The following CAMTA1 variants were observed in gnomAD, a reference collection of about 807,000 sequenced individuals.
CAMTA1 encodes the protein calmodulin-binding transcription activator 1.
A neutral mutation model predicts 170.9 loss-of-function variants in CAMTA1; 27 were observed. The ratio of observed to expected loss-of-function variants is 0.16; its 90% CI spans 0.12 to 0.22. The LOEUF (loss-of-function observed/expected upper bound fraction) is 0.22, where lower values mean the gene tolerates loss of function less well. Among genes scored for constraint, CAMTA1 ranks in the 10% least tolerant of loss-of-function variants. The probability of loss-of-function intolerance (pLI) is 1.00; values close to 1 mark genes in which losing one functional copy is unlikely to be tolerated. For synonymous variants in CAMTA1, 833 were observed against 891.5 expected, an observed-to-expected ratio of 0.93 and a Z score of 1.17; for missense variants, 1,619 against 2,217.2, an observed-to-expected ratio of 0.73 and a Z score of 5.42.
intron 6 of CAMTA1, among the ~76,000 whole-genome samples, chr1:7,492,636 A>AAC (rs531879122): frequency 7.7e-6 from 1 of 130,644 alleles, no homozygotes; most frequent in Non-Finnish European, 1.6e-5. Flanking sequence ...CGCGCACACA[A>AAC]ACACATACAA....
Position 7,270,287 on chromosome 1 carries a change from A to ATTTTTTT in CAMTA1, c.438+20662_438+20663insTTTTTTT, listed in dbSNP as rs1249476043. On this transcript the variant is annotated intron_variant, in intron 5 of 22. Transcript: ENST00000303635. ...CACACACACACACATATATATATATATATATTTTTTTTTTTTTTTCTTGTG... is the reference window on the plus strand; with the variant it reads ...CACACACACACACATATATATATATATTTTTTTTATATTTTTTTTTTTTTTTCTTGTG... Among the ~76,000 whole-genome samples, 3 of 111,552 alleles carry ATTTTTTT rather than the reference A, an allele frequency of 2.7e-5. 1 individual carries two copies. Among genetic ancestry groups the ATTTTTTT allele is most frequent in the African/African-American group, 1.2e-4 (3 of 24,682 alleles). The allele number at this position is 111,552 out of a possible 152,430, so 73.2% of individuals were successfully genotyped here. A position where few individuals can be genotyped will look rare whatever the true frequency, so the allele number is the denominator to read the frequency against.
At chr1:7,169,951 A>G (rs1330163441) in intron 4 of CAMTA1, among the ~76,000 whole-genome samples, 3 of 152,056 alleles carry the variant, frequency 2.0e-5, no homozygotes, top group Non-Finnish European at 4.4e-5. Flanking sequence ...AATTTTGTCA[A>G]CTGTATTGTT....
At chr1:7,574,638 C>T (rs1359758259) in intron 6 of CAMTA1, among the ~76,000 whole-genome samples, 2 of 152,164 alleles carry the variant, frequency 1.3e-5, no homozygotes, top group African/African-American at 2.4e-5. Flanking sequence ...AGCTTCCTCT[C>T]GACGCGATGC....
chr1:6,937,206 T>C (rs1685476538), intron 3 of CAMTA1, among the ~76,000 whole-genome samples: 1 of 148,550 alleles, frequency 6.7e-6, no homozygotes, highest in Admixed American at 6.7e-5. Flanking sequence ...TCATCACTTA[T>C]CACCATCATC....
intron 3 of CAMTA1, among the ~76,000 whole-genome samples, chr1:6,838,521 CTG>C (rs1307416539): frequency 6.6e-6 from 1 of 152,202 alleles, no homozygotes; most frequent in Non-Finnish European, 1.5e-5. Context: ...CCAAACCACT[CTG>C]AACTCTACCA....
chr1:7,230,843 G>A (rs1662661023), intron 4 of CAMTA1, among the ~76,000 whole-genome samples: 3 of 152,172 alleles, frequency 2.0e-5, no homozygotes, highest in South Asian at 4.1e-4. Flanking sequence ...TCTAGGAGCT[G>A]TTGGCTGAGG....
At chr1:7,081,713 G>C (rs1251245728) in intron 3 of CAMTA1, among the ~76,000 whole-genome samples, 2 of 152,220 alleles carry the variant, frequency 1.3e-5, no homozygotes, top group African/African-American at 4.8e-5. Flanking sequence ...GGAGCTCTCA[G>C]GCCCATCCAA....
At chr1:7,402,840 C>G (rs1045210653) in intron 5 of CAMTA1, among the ~76,000 whole-genome samples, 1 of 152,212 alleles carries the variant, frequency 6.6e-6, no homozygotes, top group African/African-American at 2.4e-5. Context: ...GTCTGTCTGT[C>G]TCTTTCTCAG....
chr1:7,081,902 G>A (rs1441020037), intron 3 of CAMTA1, among the ~76,000 whole-genome samples: 2 of 152,374 alleles, frequency 1.3e-5, no homozygotes, highest in East Asian at 3.9e-4. Flanking sequence ...TCTGGGTGGA[G>A]TCAGTCCTTG....
rs1366808145 is a variant in CAMTA1, at chr1:7,766,791, G to A, written c.*300G>A. The A allele has an allele frequency of 1.0e-4, 42 of 400,524 alleles. No individual in the cohort carries two copies. Among genetic ancestry groups the A allele is most frequent in the Non-Finnish European group, 1.4e-5 (3 of 220,078 alleles). 24.8% of individuals were successfully genotyped at this position (400,524 alleles called of 1,614,324 possible). On this transcript the variant is annotated 3_prime_UTR_variant, in exon 23 of 23. Transcript: ENST00000303635. ...AAGACACCCAGGAGGAATTGAAAGAGGCTTCCTCTTCTCAGGAAGAAGCCA... is the reference window on the plus strand; with the variant it reads ...AAGACACCCAGGAGGAATTGAAAGAAGCTTCCTCTTCTCAGGAAGAAGCCA...
chr1:7,292,172 A>C (rs1409971509), intron 5 of CAMTA1, among the ~76,000 whole-genome samples: 1 of 152,160 alleles, frequency 6.6e-6, no homozygotes, highest in Non-Finnish European at 1.5e-5. Context: ...AAATATATGG[A>C]GATTGAATTG....
At chr1:7,663,241 C>T (rs2095976420) in intron 8 of CAMTA1, 112 bp from the exon 9 acceptor site, 3 of 1,405,424 alleles carry the variant, frequency 2.1e-6, no homozygotes. Flanking sequence ...ACCCCAGCCG[C>T]TGTGGGGCAG....
intron 12 of CAMTA1, among the ~76,000 whole-genome samples, chr1:7,734,083 G>A (rs555562684): frequency 6.6e-6 from 1 of 152,164 alleles, no homozygotes; most frequent in Non-Finnish European, 1.5e-5. Context: ...AAGTAGCTGG[G>A]ATTACAGGCA....
chr1:7,306,980 T>C (rs1675692874), intron 5 of CAMTA1, among the ~76,000 whole-genome samples: 4 of 151,990 alleles, frequency 2.6e-5, no homozygotes, highest in African/African-American at 7.2e-5. Flanking sequence ...GCATAGGTTA[T>C]ATGCAAATAC....
chr1:7,077,990 GCACA>G (rs149263539), intron 3 of CAMTA1, among the ~76,000 whole-genome samples: 1 of 150,632 alleles, frequency 6.6e-6, no homozygotes, highest in Non-Finnish European at 1.5e-5. Flanking sequence ...GAGCTTGCGT[GCACA>G]CACACACACA....
chr1:7,656,187 G>A (rs1003615585), intron 7 of CAMTA1, among the ~76,000 whole-genome samples: 18 of 152,166 alleles, frequency 1.2e-4, no homozygotes, highest in Admixed American at 5.2e-4. Context: ...CAAAAAAGAC[G>A]AAGACTAAAA....
At chr1:6,805,401 A>G (rs1285269150) in intron 1 of CAMTA1, among the ~76,000 whole-genome samples, 2 of 152,196 alleles carry the variant, frequency 1.3e-5, no homozygotes, top group East Asian at 3.8e-4. Context: ...AGTTGTAGGA[A>G]TTCTTTATAT....
intron 3 of CAMTA1, among the ~76,000 whole-genome samples, chr1:6,986,772 G>A (rs1695427070): frequency 6.6e-6 from 1 of 152,132 alleles, no homozygotes; most frequent in African/African-American, 2.4e-5. Context: ...GAAGGGTGCT[G>A]TGGACGTGAG....
intron 4 of CAMTA1, among the ~76,000 whole-genome samples, chr1:7,209,421 TTCATATC>T (rs1266737684): frequency 1.3e-5 from 2 of 152,216 alleles, no homozygotes; most frequent in Non-Finnish European, 2.9e-5. Flanking sequence ...TTGGGGTTGA[TTCATATC>T]TGAGGCTGTG....
Sources: gnomAD v4.1 joint callset for allele counts (sites outside exome capture counted in the v4.1 genomes callset) on GRCh38, gnomAD v4.1.1 for gene constraint, MANE v1.5 for transcripts, NCBI Gene and HGNC (gene_info 2026-07-23, HGNC 2026-07-21) for gene names.